The following WDR7 variants were observed in gnomAD, a reference collection of about 807,000 sequenced individuals.
The protein encoded by WDR7 is WD repeat domain 7.
WDR7 carries 46 observed loss-of-function variants against 169.4 expected under a neutral mutation model. The ratio of observed to expected loss-of-function variants is 0.27; its 90% CI spans 0.21 to 0.35. The LOEUF is 0.35. WDR7 is among the 10% of genes least tolerant of loss of function. WDR7 has a pLI of 1.00. For synonymous variants in WDR7, 612 were observed against 666.8 expected, an observed-to-expected ratio of 0.92 and a Z score of 1.27; for missense variants, 1,534 against 1,859.3, an observed-to-expected ratio of 0.83 and a Z score of 3.22.
intron 9 of WDR7, among the ~76,000 whole-genome samples, chr18:56,693,121 T>C (rs2025614151): frequency 6.6e-6 from 1 of 152,242 alleles, no homozygotes. Flanking sequence ...TTAATATGTG[T>C]AGTTTCCATT....
chr18:56,846,941 A>G (rs1202734887), intron 20 of WDR7, among the ~76,000 whole-genome samples: 1 of 152,240 alleles, frequency 6.6e-6, no homozygotes, highest in Non-Finnish European at 1.5e-5. Flanking sequence ...GAAAATTGGT[A>G]CTGAGGAATG....
At chr18:57,015,980 T>C (rs2048200138) in intron 26 of WDR7, among the ~76,000 whole-genome samples, 1 of 152,246 alleles carries the variant, frequency 6.6e-6, no homozygotes, top group Non-Finnish European at 1.5e-5. Flanking sequence ...TTGTACCTTA[T>C]GAAAACAAGC....
At chr18:56,773,581 T>C (rs1280066891) in intron 16 of WDR7, among the ~76,000 whole-genome samples, 2 of 152,130 alleles carry the variant, frequency 1.3e-5, no homozygotes, top group African/African-American at 4.8e-5. Context: ...AGATATGATA[T>C]ATTATACATA....
At chr18:56,747,351 G>T (rs2043720576) in intron 14 of WDR7, among the ~76,000 whole-genome samples, 1 of 152,158 alleles carries the variant, frequency 6.6e-6, no homozygotes, top group Non-Finnish European at 1.5e-5. Context: ...AGTTAAATGG[G>T]ATAACAGATT....
intron 12 of WDR7, among the ~76,000 whole-genome samples, chr18:56,703,932 A>T (rs1200366673): frequency 6.6e-6 from 1 of 152,118 alleles, no homozygotes; most frequent in Non-Finnish European, 1.5e-5. Flanking sequence ...GGGCATATTA[A>T]TTTTTAAAGG....
chr18:57,012,260 T>A (rs971482216), intron 26 of WDR7, among the ~76,000 whole-genome samples: 1 of 152,160 alleles, frequency 6.6e-6, no homozygotes, highest in African/African-American at 2.4e-5. Context: ...AAGGCAGGAC[T>A]ACCCTGGGAA....
At chr18:56,971,894 A>T (rs2047493830) in intron 26 of WDR7, among the ~76,000 whole-genome samples, 2 of 152,220 alleles carry the variant, frequency 1.3e-5, no homozygotes, top group Admixed American at 1.3e-4. Context: ...TTAAGTGAGA[A>T]ACAATTATTT....
intron 9 of WDR7, among the ~76,000 whole-genome samples, chr18:56,693,120 G>A (rs899452985): frequency 6.6e-5 from 10 of 152,160 alleles, no homozygotes; most frequent in African/African-American, 2.4e-4. Flanking sequence ...CTTAATATGT[G>A]TAGTTTCCAT....
rs370112032 is a variant in WDR7, at chr18:56,779,465, G to A, written c.2982G>A (p.Met994Ile). The change falls in exon 18 of 28, where the codon ATG becomes ATA. Residue 994 changes from methionine (M) to isoleucine (I), a missense_variant. Physicochemically the swap from Met to Ile is conservative, Grantham distance 10 (BLOSUM62 1). Transcript: ENST00000254442. ...AGTTAGCTGCTATGCACTGTGTTAT[G>A]CTGCCAGACCTACTGGGATTGGATA... ...WSQLAAMHCV[M>I]LPDLLGLDKF... 7.4e-6 allele frequency: 12 copies of A among 1,613,860 alleles called. No homozygotes were observed. The South Asian group carries it at 1.2e-4, about 16-fold the overall frequency.
chr18:56,722,025 C>G (rs1299926903), intron 13 of WDR7, among the ~76,000 whole-genome samples: 1 of 152,094 alleles, frequency 6.6e-6, no homozygotes, highest in Non-Finnish European at 1.5e-5. Context: ...TCTGATATTT[C>G]TCTTTTTGCA....
intron 16 of WDR7, among the ~76,000 whole-genome samples, chr18:56,760,078 G>A (rs2430892): frequency 0.14 from 21,997 of 152,088 alleles, 2,069 homozygotes; most frequent in Non-Finnish European, 0.2. Flanking sequence ...TTATGTAATA[G>A]TGTATATTAA....
intron 20 of WDR7, among the ~76,000 whole-genome samples, chr18:56,870,009 G>A (rs7231622): frequency 0.056 from 8,558 of 152,182 alleles, 837 homozygotes; most frequent in African/African-American, 0.2. Flanking sequence ...CCAGGACAGC[G>A]AGATCTTGGG....
intron 14 of WDR7, among the ~76,000 whole-genome samples, chr18:56,742,656 G>C (rs951303791): frequency 6.6e-6 from 1 of 152,160 alleles, no homozygotes; most frequent in African/African-American, 2.4e-5. Context: ...ATAAAGTAGC[G>C]GGGTTGGCTG....
At chr18:56,985,148 G>A (rs1470090029) in intron 26 of WDR7, among the ~76,000 whole-genome samples, 1 of 152,126 alleles carries the variant, frequency 6.6e-6, no homozygotes, top group Non-Finnish European at 1.5e-5. Context: ...GTAAAGTGTT[G>A]CAGCAATTTT....
intron 21 of WDR7, among the ~76,000 whole-genome samples, chr18:56,894,650 T>C (rs1037482066): frequency 5.9e-5 from 9 of 152,138 alleles, no homozygotes; most frequent in Admixed American, 3.3e-4. Flanking sequence ...AATTTACCTA[T>C]TTACAGTAGT....
intron 15 of WDR7, among the ~76,000 whole-genome samples, chr18:56,758,387 C>G (rs1599021431): frequency 6.6e-6 from 1 of 152,272 alleles, no homozygotes; most frequent in East Asian, 1.9e-4. Flanking sequence ...GATGATGTAA[C>G]GTGCCCAAGG....
At chr18:56,784,322 T>G (rs887458296) in intron 19 of WDR7, among the ~76,000 whole-genome samples, 17 of 152,330 alleles carry the variant, frequency 1.1e-4, no homozygotes, top group African/African-American at 4.1e-4. Context: ...AGATGGAGTG[T>G]AAGGTGGTAA....
chr18:56,994,262 G>A (rs567318712), intron 26 of WDR7, among the ~76,000 whole-genome samples: 5 of 152,100 alleles, frequency 3.3e-5, no homozygotes, highest in African/African-American at 4.8e-5. Flanking sequence ...GAGCTCAAGC[G>A]ATTTGCCTGC....
At chr18:56,950,508 G>A (rs975839130) in intron 25 of WDR7, among the ~76,000 whole-genome samples, 2 of 152,078 alleles carry the variant, frequency 1.3e-5, no homozygotes, top group Admixed American at 6.5e-5. Flanking sequence ...CAAAGGAAAG[G>A]CATCTGCAAA....
Sources: allele counts gnomAD v4.1 joint callset (sites outside exome capture counted in the v4.1 genomes callset), GRCh38; gene constraint gnomAD v4.1.1; transcripts MANE v1.5; gene names NCBI Gene and HGNC (gene_info 2026-07-23, HGNC 2026-07-21).